Variants in GRIN2A observed in about 807,000 individuals in gnomAD.
The protein encoded by GRIN2A is glutamate receptor ionotropic, NMDA 2A.
GRIN2A carries 22 observed loss-of-function variants against 113.4 expected under a neutral mutation model. The ratio of observed to expected loss-of-function variants is 0.19; its 90% CI spans 0.14 to 0.28. The LOEUF is 0.28. Ranked by LOEUF, GRIN2A falls within the 10% of genes least tolerant of loss-of-function variation. The probability of loss-of-function intolerance (pLI) is 1.00; values close to 1 mark genes in which losing one functional copy is unlikely to be tolerated. For synonymous variants in GRIN2A, 827 were observed against 738.4 expected (o/e 1.12, Z -1.94); for missense variants, 1,502 against 1,887.0 (o/e 0.80, Z 3.78).
At chr16:9,777,013 T>C (rs1365074239) in intron 11 of GRIN2A, among the ~76,000 whole-genome samples, 1 of 152,126 alleles carries the variant, frequency 6.6e-6, no homozygotes, top group South Asian at 2.1e-4. Flanking sequence ...GTGTATCAGA[T>C]TTGGGGATGT....
At position 9,809,628 on chromosome 16, in the gene GRIN2A, G is replaced by C. The variant is rs181878926; in HGVS notation, c.2169-11164C>G. Among the ~76,000 whole-genome samples the C allele has an allele frequency of 2.4e-3, 358 of 152,032 alleles. 2 individuals are homozygous for C. Among genetic ancestry groups the C allele is most frequent in the Middle Eastern group, 0.01 (3 of 294 alleles). On this transcript the variant is annotated intron_variant, in intron 10 of 12. Coordinates refer to ENST00000330684, the MANE Select transcript of GRIN2A (RefSeq NM_001134407.3). Reference sequence around the variant, plus strand: ...ATAATGGTTAAGGGCATAGCTCCTAGAGCCAGTTCAAATCCCAGCTCTGAA... The same window carrying C: ...ATAATGGTTAAGGGCATAGCTCCTACAGCCAGTTCAAATCCCAGCTCTGAA...
intron 2 of GRIN2A, among the ~76,000 whole-genome samples, chr16:9,983,807 T>C (rs2045934089): frequency 6.6e-6 from 1 of 152,246 alleles, no homozygotes; most frequent in African/African-American, 2.4e-5. Context: ...CTTCATCTGT[T>C]AATTCAGTGG....
At chr16:10,166,401 A>C (rs571616988) in intron 2 of GRIN2A, among the ~76,000 whole-genome samples, 19 of 152,254 alleles carry the variant, frequency 1.2e-4, no homozygotes, top group African/African-American at 4.6e-4. Flanking sequence ...TGTGAACTCA[A>C]TTCTGCTCCT....
intron 2 of GRIN2A, among the ~76,000 whole-genome samples, chr16:10,071,456 C>G (rs1240816236): frequency 6.6e-6 from 1 of 152,200 alleles, no homozygotes; most frequent in Non-Finnish European, 1.5e-5. Context: ...GGGCATGTAT[C>G]TCTTCTGGTT....
chr16:9,771,797 T>C (rs903895691), intron 11 of GRIN2A, among the ~76,000 whole-genome samples: 1 of 152,216 alleles, frequency 6.6e-6, no homozygotes, highest in Non-Finnish European at 1.5e-5. Flanking sequence ...GTATGAGTTT[T>C]TGTATGGAAA....
At chr16:9,868,118 C>G (rs549201834) in intron 4 of GRIN2A, among the ~76,000 whole-genome samples, 1 of 152,114 alleles carries the variant, frequency 6.6e-6, no homozygotes, top group Non-Finnish European at 1.5e-5. Flanking sequence ...AATATTTGAA[C>G]ATTTTTTACT....
chr16:9,961,859 G>C (rs553723472), intron 2 of GRIN2A, among the ~76,000 whole-genome samples: 19 of 152,066 alleles, frequency 1.2e-4, no homozygotes, highest in Non-Finnish European at 2.1e-4. Flanking sequence ...GAGGCATCAC[G>C]CTACCTGACT....
At chr16:9,945,763 C>G (rs2045003971) in intron 2 of GRIN2A, among the ~76,000 whole-genome samples, 1 of 152,140 alleles carries the variant, frequency 6.6e-6, no homozygotes, top group Admixed American at 6.5e-5. Context: ...AGCTTTATTT[C>G]TGGAATAAAA....
chr16:10,009,003 T>C (rs1450276401), intron 2 of GRIN2A, among the ~76,000 whole-genome samples: 1 of 152,214 alleles, frequency 6.6e-6, no homozygotes, highest in Non-Finnish European at 1.5e-5. Context: ...TACACTCTGA[T>C]GGAGAGAGAC....
At chr16:9,829,776 G>A in intron 8 of GRIN2A, 124 bp from the exon 9 acceptor site, 1 of 716,030 alleles carries the variant, frequency 1.4e-6, no homozygotes, top group Non-Finnish European at 2.6e-6. Flanking sequence ...TATCATAGTT[G>A]TGTCCTGTGA....
chr16:9,894,541 A>G (rs968413264), intron 3 of GRIN2A, among the ~76,000 whole-genome samples: 22 of 152,292 alleles, frequency 1.4e-4, no homozygotes, highest in African/African-American at 4.6e-4. Flanking sequence ...ACACACAGCT[A>G]GGTGTGCTCC....
chr16:9,861,373 A>G (rs1182981332), intron 4 of GRIN2A, among the ~76,000 whole-genome samples: 1 of 152,198 alleles, frequency 6.6e-6, no homozygotes, highest in Non-Finnish European at 1.5e-5. Context: ...CCGTGAAGGA[A>G]ATTTAAAATG....
chr16:9,850,290 G>A (rs866023363), intron 4 of GRIN2A, among the ~76,000 whole-genome samples: 2 of 152,268 alleles, frequency 1.3e-5, no homozygotes, highest in Middle Eastern at 3.4e-3. Flanking sequence ...AAACAGCATA[G>A]ACTTTTAGAA....
intron 4 of GRIN2A, among the ~76,000 whole-genome samples, chr16:9,863,565 G>A (rs1275112160): frequency 6.6e-6 from 1 of 152,178 alleles, no homozygotes; most frequent in Non-Finnish European, 1.5e-5. Context: ...ACATCCAAAA[G>A]GCGATCAGAA....
chr16:10,097,130 C>A lies in GRIN2A; in HGVS notation c.414+82868G>T, dbSNP rs573258777. Among the ~76,000 whole-genome samples the A allele has an allele frequency of 9.2e-5, 14 of 152,242 alleles. 1 individual carries two copies. The South Asian group carries it at 1.9e-3, about 20-fold the overall frequency. On this transcript the variant is annotated intron_variant, in intron 2 of 12. Coordinates refer to ENST00000330684, the MANE Select transcript of GRIN2A (RefSeq NM_001134407.3). ...ACTCGCTAATCTCCCTTTTTAACAG[C>A]GAGATCAGGCCTCAGGCTCTGAGCC...
Position 9,764,031 on chromosome 16 carries a change from G to A in GRIN2A, c.3513C>T (p.Pro1171=), listed in dbSNP as rs1344421124. 1.2e-6 allele frequency: 2 copies of A among 1,614,130 alleles called. No homozygotes were observed. The highest frequency in any genetic ancestry group is 1.7e-5 in the Admixed American group (1 of 60,020). Residue 1171 remains proline, a synonymous_variant, in exon 13 of 13, where the codon CCC becomes CCT. Transcript: ENST00000330684. ...TGGAAAGCCCCTCTTCATTATGCAAGGGGTTCCGGTTCATTGGCAGCGTGG... is the reference window on the plus strand; with the variant it reads ...TGGAAAGCCCCTCTTCATTATGCAAAGGGTTCCGGTTCATTGGCAGCGTGG... ...GDSTLPMNRN[P]LHNEEGLSNN...
At chr16:9,928,154 C>G (rs773269551) in intron 3 of GRIN2A, among the ~76,000 whole-genome samples, 10 of 152,190 alleles carry the variant, frequency 6.6e-5, no homozygotes, top group Non-Finnish European at 1.2e-4. Flanking sequence ...GCACCAGGAA[C>G]CTGGACGGGG....
chr16:10,108,966 A>T (rs1486634303), intron 2 of GRIN2A, among the ~76,000 whole-genome samples: 1 of 151,216 alleles, frequency 6.6e-6, no homozygotes, highest in Non-Finnish European at 1.5e-5. Context: ...TGAGAAGCTA[A>T]TTAAGAAATA....
intron 11 of GRIN2A, among the ~76,000 whole-genome samples, chr16:9,795,613 G>A (rs1037092955): frequency 6.6e-6 from 1 of 152,112 alleles, no homozygotes; most frequent in Non-Finnish European, 1.5e-5. Flanking sequence ...AACTACAATG[G>A]TGATGGCTAA....
Sources: gnomAD v4.1 joint callset for allele counts (sites outside exome capture counted in the v4.1 genomes callset) on GRCh38, gnomAD v4.1.1 for gene constraint, MANE v1.5 for transcripts, NCBI Gene and HGNC (gene_info 2026-07-23, HGNC 2026-07-21) for gene names.